ZNF536: variants seen among roughly 807,000 people sequenced by gnomAD.
The protein encoded by ZNF536 is zinc finger protein 536.
Under a neutral mutation model 84.5 loss-of-function variants are expected in ZNF536, and 13 were observed. That is an observed-to-expected ratio of 0.15 (90% confidence interval 0.10 to 0.24). The LOEUF (loss-of-function observed/expected upper bound fraction) is 0.24, where lower values mean the gene tolerates loss of function less well. Among genes scored for constraint, ZNF536 ranks in the 10% least tolerant of loss-of-function variants. ZNF536 has a pLI of 1.00. For synonymous variants in ZNF536, 811 were observed against 742.5 expected (o/e 1.09, Z -1.50); for missense variants, 1,536 against 1,747.5 (o/e 0.88, Z 2.16).
intron 1 of ZNF536, among the ~76,000 whole-genome samples, chr19:30,576,183 A>G (rs2046728274): frequency 6.6e-6 from 1 of 152,132 alleles, no homozygotes; most frequent in Non-Finnish European, 1.5e-5. Flanking sequence ...GCATGAGACG[A>G]TTTGGAGAGA....
intron 1 of ZNF536, among the ~76,000 whole-genome samples, chr19:30,675,548 G>A (rs1306964649): frequency 6.6e-6 from 1 of 152,164 alleles, no homozygotes; most frequent in Non-Finnish European, 1.5e-5. Context: ...GGCTTATCAC[G>A]AAAGGAAGGA....
intron 1 of ZNF536, among the ~76,000 whole-genome samples, chr19:30,624,174 G>A (rs2195956): frequency 0.13 from 19,218 of 152,084 alleles, 1,258 homozygotes; most frequent in Middle Eastern, 0.15. Flanking sequence ...AGGCTCAGCC[G>A]TATGCCCATG....
At chr19:30,274,151 C>T (rs910623470) in intron 1 of ZNF536, among the ~76,000 whole-genome samples, 3 of 152,198 alleles carry the variant, frequency 2.0e-5, no homozygotes, top group African/African-American at 7.2e-5. Flanking sequence ...ACTTTCATTT[C>T]GACTTCAGAG....
intron 2 of ZNF536, among the ~76,000 whole-genome samples, chr19:30,452,721 A>T (rs1236101144): frequency 6.6e-6 from 1 of 152,154 alleles, no homozygotes; most frequent in African/African-American, 2.4e-5. Flanking sequence ...ACACCTGCAG[A>T]GATCAGGAGA....
At chr19:30,393,073 C>T (rs921108570) in intron 1 of ZNF536, among the ~76,000 whole-genome samples, 2 of 152,142 alleles carry the variant, frequency 1.3e-5, no homozygotes, top group South Asian at 2.1e-4. Context: ...CAGTCATGCG[C>T]GCTGGGGAAT....
In ZNF536 at chr19:30,290,736, T is replaced by C. The variant is rs541675280; in HGVS notation, c.-120+6595T>C. On this transcript the variant is annotated intron_variant, in intron 2 of 5. Coordinates refer to the ZNF536 transcript ENST00000585628. ...GTGTAGAATGTGCAGGTTTGTTACA[T>C]AGGTACACATGTGCCATAGTAGTTT... is the stretch of plus-strand genomic sequence containing the variant. Among the ~76,000 whole-genome samples the C allele has an allele frequency of 1.0e-3, 159 of 152,326 alleles. 1 individual carries two copies. Among genetic ancestry groups the C allele is most frequent in the African/African-American group, 3.8e-3 (159 of 41,572 alleles).
chr19:30,382,816 T>G (rs532385621), intron 1 of ZNF536, among the ~76,000 whole-genome samples: 1 of 152,204 alleles, frequency 6.6e-6, no homozygotes, highest in African/African-American at 2.4e-5. Context: ...GGCTCTGACT[T>G]CTGAAGCACA....
intron 1 of ZNF536, among the ~76,000 whole-genome samples, chr19:30,670,645 G>T (rs1438641504): frequency 6.6e-6 from 1 of 152,196 alleles, no homozygotes; most frequent in Non-Finnish European, 1.5e-5. Context: ...TGTTGGGGGA[G>T]GCATTTCCCA....
At chr19:30,710,351 A>G (rs1228708957) in intron 1 of ZNF536, among the ~76,000 whole-genome samples, 2 of 152,152 alleles carry the variant, frequency 1.3e-5, no homozygotes. Context: ...AGACCAGCCT[A>G]GGCAACATAG....
chr19:30,433,414 G>T (rs1389374067), intron 1 of ZNF536, among the ~76,000 whole-genome samples: 1 of 152,224 alleles, frequency 6.6e-6, no homozygotes, highest in Admixed American at 6.5e-5. Context: ...CCACATGTAG[G>T]CATTACAAAA....
chr19:30,344,731 G>T (rs1473937802), intron 2 of ZNF536, among the ~76,000 whole-genome samples: 1 of 152,142 alleles, frequency 6.6e-6, no homozygotes, highest in Non-Finnish European at 1.5e-5. Flanking sequence ...TTCCCCATGG[G>T]CAGAAGGCTC....
At chr19:30,594,390 G>A (rs936022360) in intron 1 of ZNF536, among the ~76,000 whole-genome samples, 25 of 152,272 alleles carry the variant, frequency 1.6e-4, no homozygotes, top group African/African-American at 6.0e-4. Flanking sequence ...GGGGACCCTG[G>A]GAGTCAGGCC....
At chr19:30,493,570 C>T (rs2054596637) in intron 2 of ZNF536, among the ~76,000 whole-genome samples, 1 of 152,186 alleles carries the variant, frequency 6.6e-6, no homozygotes, top group Non-Finnish European at 1.5e-5. Context: ...CCGTTTAGGG[C>T]ATCCAGGTAG....
At chr19:30,387,695 A>G (rs1214598938) in intron 1 of ZNF536, among the ~76,000 whole-genome samples, 1 of 152,244 alleles carries the variant, frequency 6.6e-6, no homozygotes, top group Non-Finnish European at 1.5e-5. Flanking sequence ...GGCTGCAGAC[A>G]CTAATGGCTG....
At chr19:30,394,036 G>T (rs1429299889) in intron 1 of ZNF536, among the ~76,000 whole-genome samples, 1 of 152,076 alleles carries the variant, frequency 6.6e-6, no homozygotes, top group Non-Finnish European at 1.5e-5. Flanking sequence ...GGCTAGATGG[G>T]CAGGCAGAGA....
At chr19:30,695,744 T>G (rs879629146) in intron 1 of ZNF536, among the ~76,000 whole-genome samples, 2 of 152,198 alleles carry the variant, frequency 1.3e-5, no homozygotes, top group African/African-American at 2.4e-5. Context: ...TGTGGCTTTC[T>G]TCTGCCTGGA....
chr19:30,252,672 G>T (rs1053308582), intron 1 of ZNF536, among the ~76,000 whole-genome samples: 1 of 152,172 alleles, frequency 6.6e-6, no homozygotes, highest in East Asian at 1.9e-4. Flanking sequence ...CCCCTAAAAT[G>T]GGAATCTTTG....
At chr19:30,707,675 A>G (rs2052296914) in intron 1 of ZNF536, among the ~76,000 whole-genome samples, 1 of 152,162 alleles carries the variant, frequency 6.6e-6, no homozygotes, top group South Asian at 2.1e-4. Context: ...TGTCTTAGGG[A>G]CAACAGTAGA....
chr19:30,474,009 G>T (rs183086976), intron 2 of ZNF536, among the ~76,000 whole-genome samples: 3 of 152,226 alleles, frequency 2.0e-5, no homozygotes, highest in Admixed American at 2.0e-4. Flanking sequence ...GATGTGCCTG[G>T]CCCATAGTAG....
Sources: gnomAD v4.1 joint callset for allele counts (sites outside exome capture counted in the v4.1 genomes callset) on GRCh38, gnomAD v4.1.1 for gene constraint, MANE v1.5 for transcripts, NCBI Gene and HGNC (gene_info 2026-07-23, HGNC 2026-07-21) for gene names.